The following RARB variants were observed in gnomAD, a reference collection of about 807,000 sequenced individuals.
RARB encodes retinoic acid receptor beta, also known as HBV-activated protein.
RARB carries 17 observed loss-of-function variants against 51.9 expected under a neutral mutation model. That is an observed-to-expected ratio of 0.33 (90% CI 0.22 to 0.49). The LOEUF is 0.49. Among genes scored for constraint, RARB ranks in the 20% least tolerant of loss-of-function variants. The probability of loss-of-function intolerance (pLI) is 0.99; values close to 1 mark genes in which losing one functional copy is unlikely to be tolerated. For missense variants in RARB, 369 were observed against 550.8 expected, an observed-to-expected ratio of 0.67 and a Z score of 3.30; for synonymous variants, 215 against 195.4, an observed-to-expected ratio of 1.10 and a Z score of -0.84.
chr3:25,257,975 A>G lies in RARB; in HGVS notation c.178+83400A>G, dbSNP rs188298202. ...CACAGCACTCTCTTCCTGCCATAGC[A>G]ATGGCATTTACTGACTTACGTTGTA... On this transcript the variant is annotated intron_variant, in intron 5 of 11. Coordinates refer to the RARB transcript ENST00000383772. Among the ~76,000 whole-genome samples the G allele has an allele frequency of 1.5e-3, 221 of 152,300 alleles. 1 individual carries two copies. The highest frequency in any genetic ancestry group is 2.4e-3 in the Admixed American group (36 of 15,286).
intron 5 of RARB, among the ~76,000 whole-genome samples, chr3:25,319,044 T>C (rs1461417050): frequency 6.6e-6 from 1 of 152,220 alleles, no homozygotes. Context: ...TTATTAACTA[T>C]AATATTAAAG....
chr3:24,907,426 G>A (rs536349823), intron 2 of RARB, among the ~76,000 whole-genome samples: 10 of 152,184 alleles, frequency 6.6e-5, no homozygotes, highest in Admixed American at 3.3e-4. Context: ...AGAGGGAAGA[G>A]CTAAAGGGAT....
chr3:25,220,811 T>C (rs979199908), intron 5 of RARB, among the ~76,000 whole-genome samples: 7 of 152,328 alleles, frequency 4.6e-5, no homozygotes, highest in South Asian at 2.1e-4. Context: ...AATTGATGAA[T>C]ACACTAAGTC....
At chr3:25,015,067 C>T (rs1285414784) in intron 2 of RARB, among the ~76,000 whole-genome samples, 5 of 152,078 alleles carry the variant, frequency 3.3e-5, no homozygotes, top group South Asian at 2.1e-4. Flanking sequence ...CCACATTTTG[C>T]GTTCTGTTGC....
At chr3:25,295,686 A>G (rs1176187906) in intron 5 of RARB, among the ~76,000 whole-genome samples, 1 of 152,158 alleles carries the variant, frequency 6.6e-6, no homozygotes, top group South Asian at 2.1e-4. Context: ...CAGGCCTAAG[A>G]TTCGATATGT....
chr3:24,836,917 G>A (rs766921638), intron 1 of RARB, among the ~76,000 whole-genome samples: 3 of 152,174 alleles, frequency 2.0e-5, no homozygotes, highest in African/African-American at 4.8e-5. Flanking sequence ...TATTTCATAA[G>A]TATTTATTGA....
chr3:25,365,723 G>T lies in RARB; in HGVS notation c.179-95470G>T, dbSNP rs540212455. 5.9e-4 allele frequency among the ~76,000 whole-genome samples: 90 copies of T among 152,330 alleles called. 3 individuals carry two copies. The South Asian group carries it at 0.018, about 31-fold the overall frequency. Reference sequence around the variant, plus strand: ...CTAGGATAATTCAAAGGTTGAGATTGTGGACTAAAAGCCTTACTCTCAATG... The same window carrying T: ...CTAGGATAATTCAAAGGTTGAGATTTTGGACTAAAAGCCTTACTCTCAATG... On this transcript the variant is annotated intron_variant, in intron 5 of 11. Transcript: ENST00000383772.
intron 2 of RARB, among the ~76,000 whole-genome samples, chr3:24,939,459 C>T (rs541739485): frequency 5.3e-5 from 8 of 152,238 alleles, no homozygotes; most frequent in African/African-American, 1.9e-4. Context: ...AATCTAGGTA[C>T]AGTACTTATT....
chr3:25,587,518 C>G (rs918579169), intron 5 of RARB, among the ~76,000 whole-genome samples: 2 of 152,148 alleles, frequency 1.3e-5, no homozygotes, highest in Non-Finnish European at 2.9e-5. Flanking sequence ...ATCTATTTCT[C>G]TTAACATTGC....
chr3:24,944,799 T>C (rs756889922), intron 2 of RARB, among the ~76,000 whole-genome samples: 1 of 152,238 alleles, frequency 6.6e-6, no homozygotes, highest in Non-Finnish European at 1.5e-5. Context: ...TGATGGTGTT[T>C]ACTATGATGT....
At chr3:25,089,803 A>T (rs769530973) in intron 3 of RARB, among the ~76,000 whole-genome samples, 1 of 152,162 alleles carries the variant, frequency 6.6e-6, no homozygotes, top group African/African-American at 2.4e-5. Flanking sequence ...GAATGATACT[A>T]GAGTCAAGAT....
chr3:25,314,366 T>C (rs910064925), intron 5 of RARB, among the ~76,000 whole-genome samples: 7 of 152,174 alleles, frequency 4.6e-5, no homozygotes, highest in African/African-American at 1.7e-4. Context: ...TTAGAAACAT[T>C]CCCATTCATA....
chr3:25,066,433 A>C (rs1231361788), intron 3 of RARB, among the ~76,000 whole-genome samples: 1 of 152,196 alleles, frequency 6.6e-6, no homozygotes, highest in Non-Finnish European at 1.5e-5. Flanking sequence ...ATTTGAGTAA[A>C]TAATTTGTGC....
At chr3:24,956,752 A>T (rs910044667) in intron 2 of RARB, among the ~76,000 whole-genome samples, 1 of 152,270 alleles carries the variant, frequency 6.6e-6, no homozygotes, top group African/African-American at 2.4e-5. Flanking sequence ...GATCATGGTC[A>T]TAGGTCATAC....
chr3:25,170,176 A>C (rs2060563), intron 4 of RARB, among the ~76,000 whole-genome samples: 2,410 of 152,258 alleles, frequency 0.016, 58 homozygotes, highest in African/African-American at 0.051. Flanking sequence ...CTTTATTGGA[A>C]TACAGCCACA....
chr3:25,227,721 A>G (rs1013138518), intron 5 of RARB, among the ~76,000 whole-genome samples: 5 of 152,088 alleles, frequency 3.3e-5, no homozygotes, highest in African/African-American at 9.7e-5. Flanking sequence ...GTGGTTTATC[A>G]TTAAGTCTCT....
chr3:24,909,934 C>G (rs146745975), intron 2 of RARB, among the ~76,000 whole-genome samples: 1 of 152,044 alleles, frequency 6.6e-6, no homozygotes, highest in Non-Finnish European at 1.5e-5. Context: ...AGTAAAGTGT[C>G]GAATTTCTAT....
At chr3:25,430,643 C>G (rs918233250) in intron 1 of RARB, among the ~76,000 whole-genome samples, 1 of 152,154 alleles carries the variant, frequency 6.6e-6, no homozygotes, top group East Asian at 1.9e-4. Flanking sequence ...CTAGGGAGAG[C>G]GAGCGGTGAA....
chr3:24,945,419 A>C (rs1182618053), intron 2 of RARB, among the ~76,000 whole-genome samples: 2 of 152,210 alleles, frequency 1.3e-5, no homozygotes, highest in Admixed American at 6.5e-5. Context: ...GCACCTGCAA[A>C]TGCCTGTGAG....
Sources: allele counts gnomAD v4.1 joint callset (sites outside exome capture counted in the v4.1 genomes callset), GRCh38; gene constraint gnomAD v4.1.1; transcripts MANE v1.5; gene names NCBI Gene and HGNC (gene_info 2026-07-23, HGNC 2026-07-21).